FMN1: variants seen among roughly 807,000 people sequenced by gnomAD.
FMN1 encodes the protein formin-1.
A neutral mutation model predicts 132.4 loss-of-function variants in FMN1; 110 were observed. The ratio of observed to expected loss-of-function variants is 0.83; its 90% CI spans 0.71 to 0.97. The LOEUF (loss-of-function observed/expected upper bound fraction) is 0.97. Among genes scored for constraint, FMN1 ranks in the 50% least tolerant of loss-of-function variants. The probability of loss-of-function intolerance (pLI) is 0.00; values close to 1 mark genes in which losing one functional copy is unlikely to be tolerated. For synonymous variants in FMN1, 722 were observed against 651.7 expected (o/e 1.11, Z -1.64); for missense variants, 1,792 against 1,705.3 (o/e 1.05, Z -0.90).
intron 5 of FMN1, among the ~76,000 whole-genome samples, chr15:33,088,536 A>G (rs1351666691): frequency 6.6e-6 from 1 of 152,198 alleles, no homozygotes; most frequent in Non-Finnish European, 1.5e-5. Flanking sequence ...CTAGGCTGCA[A>G]AGCTAATGAA....
In FMN1 at chr15:32,955,828, C is replaced by T. The variant is rs566038388; in HGVS notation, c.3138+8279G>A. Among the ~76,000 whole-genome samples, 40 of 148,290 alleles carry T rather than the reference C, an allele frequency of 2.7e-4. 1 individual carries two copies. In the East Asian group the frequency reaches 2.7e-3, roughly 10 times the overall value. On this transcript the variant is annotated intron_variant, in intron 9 of 20. Transcript: ENST00000616417. ...GCGTGTGCGTGTGTGTGTGTGTGTG[C>T]GTGCGCGCACGTGTCTGTGTGTGTG... is the stretch of plus-strand genomic sequence containing the variant.
chr15:33,074,280 G>C (rs2038112461), intron 5 of FMN1, among the ~76,000 whole-genome samples: 1 of 152,152 alleles, frequency 6.6e-6, no homozygotes, highest in South Asian at 2.1e-4. Context: ...CTAATTCACA[G>C]GAATATAAAG....
intron 5 of FMN1, among the ~76,000 whole-genome samples, chr15:33,069,991 CTCTTTTTTTTTT>C (rs2037924819): frequency 3.4e-5 from 2 of 59,606 alleles, no homozygotes; most frequent in Admixed American, 2.7e-4. Flanking sequence ...ATCAGTCTTT[CTCTTTTTTTTTT>C]TTTTTTTTTT....
chr15:32,985,073 G>A (rs1309407512), intron 7 of FMN1, among the ~76,000 whole-genome samples: 10 of 149,936 alleles, frequency 6.7e-5, no homozygotes, highest in Admixed American at 5.3e-4. Flanking sequence ...ATTAACAAAT[G>A]TTGCGCGAAA....
At chr15:32,886,445 C>G (rs928776618) in intron 16 of FMN1, among the ~76,000 whole-genome samples, 1 of 152,132 alleles carries the variant, frequency 6.6e-6, no homozygotes, top group Non-Finnish European at 1.5e-5. Flanking sequence ...ACTGAGAGAT[C>G]CGGAACGACA....
chr15:33,062,744 A>G (rs2037544401), intron 6 of FMN1: 1 of 152,244 alleles, frequency 6.6e-6, no homozygotes. Flanking sequence ...TTTCTCTGAA[A>G]TAGAATCATA....
chr15:33,019,779 C>T (rs368003791), intron 6 of FMN1, among the ~76,000 whole-genome samples: 11 of 152,312 alleles, frequency 7.2e-5, no homozygotes, highest in Admixed American at 2.0e-4. Context: ...GTGCGGGGCC[C>T]GCCAAGCCCA....
Position 32,938,661 on chromosome 15 carries a change from A to G in FMN1, c.3139-12400T>C, listed in dbSNP as rs567707791. ...CATTCAAATAATATGCCCATTTGAA[A>G]ATTTGATAAATATTTCAGAATTGTT... is the stretch of plus-strand genomic sequence containing the variant. On this transcript the variant is annotated intron_variant, in intron 9 of 20. Transcript: ENST00000616417. Among the ~76,000 whole-genome samples, 9 of 152,330 alleles carry G rather than the reference A, an allele frequency of 5.9e-5. No homozygotes were observed. In the South Asian group the frequency reaches 1.9e-3, roughly 32 times the overall value.
At chr15:32,902,354 T>C (rs2060318548) in intron 12 of FMN1, among the ~76,000 whole-genome samples, 1 of 152,120 alleles carries the variant, frequency 6.6e-6, no homozygotes, top group African/African-American at 2.4e-5. Flanking sequence ...TAAACCCAAA[T>C]GGAAAGCCCC....
chr15:32,818,288 CA>C (rs1245383111), intron 17 of FMN1, among the ~76,000 whole-genome samples: 3 of 151,930 alleles, frequency 2.0e-5, no homozygotes, highest in Non-Finnish European at 4.4e-5. Context: ...TTTAAATTTA[CA>C]ATTATTAAAA....
At chr15:32,949,003 G>C (rs2061567437) in intron 9 of FMN1, among the ~76,000 whole-genome samples, 1 of 151,762 alleles carries the variant, frequency 6.6e-6, no homozygotes, top group African/African-American at 2.4e-5. Flanking sequence ...GCACTTAACT[G>C]ATTTTTGATC....
At chr15:33,099,198 G>A (rs2039199635) in intron 4 of FMN1, among the ~76,000 whole-genome samples, 1 of 152,208 alleles carries the variant, frequency 6.6e-6, no homozygotes, top group Non-Finnish European at 1.5e-5. Flanking sequence ...GGCTGAGGTG[G>A]GAGGACTGCT....
chr15:33,003,246 G>T (rs577322954), intron 7 of FMN1, among the ~76,000 whole-genome samples: 8 of 152,352 alleles, frequency 5.3e-5, no homozygotes, highest in African/African-American at 1.9e-4. Flanking sequence ...AATAGGAAAA[G>T]AGAAAGTCAA....
At chr15:32,942,382 T>C (rs1224492021) in intron 9 of FMN1, among the ~76,000 whole-genome samples, 2 of 152,226 alleles carry the variant, frequency 1.3e-5, no homozygotes, top group Non-Finnish European at 2.9e-5. Context: ...GAAAGAATTC[T>C]TGTCAGGTCC....
In FMN1 at chr15:33,070,670, G is replaced by T. The variant is rs191449459; in HGVS notation, c.2044-5596C>A. ...ATCCCCTTGGCTCTAGGTAAGTAAG[G>T]TATTATTAGGCCCATTTTTAAAGGT... is the stretch of plus-strand genomic sequence containing the variant. On this transcript the variant is annotated intron_variant, in intron 5 of 20. Coordinates refer to ENST00000616417, the MANE Select transcript of FMN1 (RefSeq NM_001277313.2). Among the ~76,000 whole-genome samples the T allele has an allele frequency of 4.2e-3, 639 of 152,200 alleles. 25 individuals carry two copies. The South Asian group carries it at 0.087, about 21-fold the overall frequency.
intron 5 of FMN1, among the ~76,000 whole-genome samples, chr15:33,088,231 A>G (rs988436654): frequency 2.0e-5 from 3 of 152,154 alleles, no homozygotes; most frequent in Non-Finnish European, 4.4e-5. Context: ...AAAAAATTTA[A>G]AAAAAACTGC....
intron 9 of FMN1, among the ~76,000 whole-genome samples, chr15:32,938,335 C>A (rs373911466): frequency 1.3e-5 from 2 of 151,962 alleles, no homozygotes; most frequent in Non-Finnish European, 2.9e-5. Flanking sequence ...TCGGGACCAG[C>A]CTGGTCAACA....
intron 6 of FMN1, chr15:33,062,883 T>C (rs2037550671): frequency 6.6e-6 from 1 of 152,180 alleles, no homozygotes; most frequent in Non-Finnish European, 1.5e-5. Flanking sequence ...ATGAAGTAGT[T>C]TTCTACAGAG....
chr15:32,894,741 AC>A (rs927622577), intron 15 of FMN1, among the ~76,000 whole-genome samples: 1 of 152,000 alleles, frequency 6.6e-6, no homozygotes, highest in Non-Finnish European at 1.5e-5. Flanking sequence ...CAAAAGTGAT[AC>A]ATGTTCATTA....
Sources: allele counts gnomAD v4.1 joint callset (sites outside exome capture counted in the v4.1 genomes callset), GRCh38; gene constraint gnomAD v4.1.1; transcripts MANE v1.5; gene names NCBI Gene and HGNC (gene_info 2026-07-23, HGNC 2026-07-21).